The following GABBR2 variants were observed in gnomAD, a reference collection of about 807,000 sequenced individuals.
The protein encoded by GABBR2 is gamma-aminobutyric acid type B receptor subunit 2.
A neutral mutation model predicts 105.6 loss-of-function variants in GABBR2; 23 were observed. The ratio of observed to expected loss-of-function variants is 0.22; its 90% CI spans 0.16 to 0.31. The LOEUF (loss-of-function observed/expected upper bound fraction) is 0.31, where lower values mean the gene tolerates loss of function less well. Ranked by LOEUF, GABBR2 falls within the 10% of genes least tolerant of loss-of-function variation. The pLI, the probability that GABBR2 is intolerant of heterozygous loss-of-function variation, is 1.00. For missense variants in GABBR2, 734 were observed against 1,245.5 expected (o/e 0.59, Z 6.18); for synonymous variants, 478 against 499.7 (o/e 0.96, Z 0.58).
intron 17 of GABBR2, among the ~76,000 whole-genome samples, chr9:98,295,255 C>T (rs538243502): frequency 6.4e-4 from 98 of 152,282 alleles, no homozygotes; most frequent in Admixed American, 1.6e-3. Context: ...TGATGCACTG[C>T]CTTAGCGCTT....
intron 1 of GABBR2, among the ~76,000 whole-genome samples, chr9:98,698,973 A>C (rs1830792366): frequency 6.6e-6 from 1 of 152,170 alleles, no homozygotes; most frequent in Admixed American, 6.5e-5. Flanking sequence ...CCTTGCTATT[A>C]GGGGATTCCA....
chr9:98,385,331 A>G (rs536058774), intron 11 of GABBR2, among the ~76,000 whole-genome samples: 1 of 152,232 alleles, frequency 6.6e-6, no homozygotes, highest in Non-Finnish European at 1.5e-5. Context: ...GCCTCCTGAG[A>G]AGATGGGACT....
intron 1 of GABBR2, among the ~76,000 whole-genome samples, chr9:98,695,687 C>A (rs1306717595): frequency 6.6e-6 from 1 of 151,774 alleles, no homozygotes; most frequent in Non-Finnish European, 1.5e-5. Context: ...CAATGCTTTA[C>A]ATGAATGTTC....
intron 3 of GABBR2, among the ~76,000 whole-genome samples, chr9:98,512,142 A>G (rs9802498): frequency 0.048 from 7,216 of 149,566 alleles, 260 homozygotes; most frequent in South Asian, 0.13. Flanking sequence ...TATAAACAGA[A>G]CCAAAGACAA....
chr9:98,340,778 G>A (rs1267744963), intron 13 of GABBR2, among the ~76,000 whole-genome samples: 2 of 152,332 alleles, frequency 1.3e-5, no homozygotes, highest in African/African-American at 4.8e-5. Flanking sequence ...AGAAAAGAGG[G>A]AAGGTCTTCA....
chr9:98,301,293 A>G (rs1830464991), intron 16 of GABBR2, among the ~76,000 whole-genome samples: 1 of 152,148 alleles, frequency 6.6e-6, no homozygotes, highest in Non-Finnish European at 1.5e-5. Flanking sequence ...AGCTATCTCT[A>G]GATATGTAGC....
At position 98,694,010 on chromosome 9, in the gene GABBR2, T is replaced by C. The variant is rs1362247381; in HGVS notation, c.321+14407A>G. The stretch of plus-strand genomic sequence containing the variant: ...CCCCCAAACTCTCAAGCCAGATTCA[T>C]CATTTCCACACTGCCTGGCCCAGAA... On this transcript the variant is annotated intron_variant, in intron 1 of 18. Coordinates refer to ENST00000259455, the MANE Select transcript of GABBR2 (RefSeq NM_005458.8). Among the ~76,000 whole-genome samples, 5 of 152,306 alleles carry C rather than the reference T, an allele frequency of 3.3e-5. 1 individual carries two copies. The highest frequency in any genetic ancestry group is 3.3e-4 in the Admixed American group (5 of 15,308).
At chr9:98,648,116 T>TGTGTGTGTATAGATAGATAGATAGATAG in intron 1 of GABBR2, among the ~76,000 whole-genome samples, 4 of 55,940 alleles carry the variant, frequency 7.2e-5, no homozygotes, top group African/African-American at 2.1e-4. Context: ...TGTGTGTGTG[T>TGTGTGTGTATAGATAGATAGATAGATAG]ATAGATAGAT....
chr9:98,373,361 C>A (rs10818832), intron 11 of GABBR2, among the ~76,000 whole-genome samples: 20,257 of 152,160 alleles, frequency 0.13, 1,593 homozygotes, highest in African/African-American at 0.2. Context: ...AAGTGAGGAA[C>A]TCCCTTAACA....
intron 13 of GABBR2, among the ~76,000 whole-genome samples, chr9:98,356,664 T>C (rs1831490792): frequency 6.6e-6 from 1 of 152,212 alleles, no homozygotes; most frequent in Non-Finnish European, 1.5e-5. Flanking sequence ...CCTGGGTATT[T>C]ATCCAAATGA....
intron 1 of GABBR2, among the ~76,000 whole-genome samples, chr9:98,673,582 GTT>G (rs1830432896): frequency 1.7e-5 from 1 of 58,842 alleles, no homozygotes; most frequent in South Asian, 5.6e-4. Flanking sequence ...CGTTTTCTAA[GTT>G]GAAAAAAAAA....
chr9:98,369,304 G>A (rs1374524849), intron 12 of GABBR2, among the ~76,000 whole-genome samples: 1 of 152,182 alleles, frequency 6.6e-6, no homozygotes, highest in East Asian at 1.9e-4. Flanking sequence ...TGGTTCGGGT[G>A]TGGGGCAGGG....
intron 13 of GABBR2, among the ~76,000 whole-genome samples, chr9:98,326,832 C>T (rs1453951232): frequency 6.6e-6 from 1 of 152,212 alleles, no homozygotes; most frequent in Non-Finnish European, 1.5e-5. Context: ...TATGTCACCT[C>T]ATTCAATTTT....
intron 1 of GABBR2, among the ~76,000 whole-genome samples, chr9:98,642,231 A>G (rs148597748): frequency 3.3e-5 from 5 of 152,242 alleles, no homozygotes; most frequent in African/African-American, 1.2e-4. Flanking sequence ...CCAGCTGGGA[A>G]CCCCACGCTT....
chr9:98,315,948 A>G (rs1830709197), intron 13 of GABBR2, among the ~76,000 whole-genome samples: 1 of 152,166 alleles, frequency 6.6e-6, no homozygotes, highest in African/African-American at 2.4e-5. Context: ...TTCAGGCTAT[A>G]CTTGGGCACT....
intron 1 of GABBR2, among the ~76,000 whole-genome samples, chr9:98,671,602 C>T (rs994721207): frequency 1.3e-5 from 2 of 152,248 alleles, no homozygotes; most frequent in Non-Finnish European, 2.9e-5. Context: ...CATTTACATT[C>T]CCACATGGAA....
chr9:98,362,248 T>A (rs1831598271), intron 13 of GABBR2, among the ~76,000 whole-genome samples: 7 of 152,232 alleles, frequency 4.6e-5, no homozygotes, highest in Admixed American at 4.6e-4. Flanking sequence ...ACAGTACTTT[T>A]ATGTGAGGTT....
At position 98,691,962 on chromosome 9, in the gene GABBR2, A is replaced by G. The variant is rs79209820; in HGVS notation, c.321+16455T>C. 2.9e-3 allele frequency among the ~76,000 whole-genome samples: 441 copies of G among 152,320 alleles called. 8 individuals carry two copies. In the East Asian group the frequency reaches 0.039, roughly 14 times the overall value. ...CAGCATTTTTGTATTTGACACTATT[A>G]TGACACTTACTATGTATCAGGCAGT... On this transcript the variant is annotated intron_variant, in intron 1 of 18. Transcript: ENST00000259455.
intron 2 of GABBR2, among the ~76,000 whole-genome samples, chr9:98,545,403 A>C (rs1828379263): frequency 6.6e-6 from 1 of 152,132 alleles, no homozygotes; most frequent in Non-Finnish European, 1.5e-5. Flanking sequence ...AGCCTCCTGA[A>C]ACTTTCTTCC....
Sources: allele counts gnomAD v4.1 joint callset (sites outside exome capture counted in the v4.1 genomes callset), GRCh38; gene constraint gnomAD v4.1.1; transcripts MANE v1.5; gene names NCBI Gene and HGNC (gene_info 2026-07-23, HGNC 2026-07-21).